Variants in FNDC3B observed in about 807,000 individuals in gnomAD.
The protein encoded by FNDC3B is fibronectin type III domain-containing protein 3B.
A neutral mutation model predicts 151.5 loss-of-function variants in FNDC3B; 12 were observed. The ratio of observed to expected loss-of-function variants is 0.08; its 90% CI spans 0.05 to 0.13. The LOEUF (loss-of-function observed/expected upper bound fraction) is 0.13. FNDC3B is among the 10% of genes least tolerant of loss of function. The pLI is 1.00. For synonymous variants in FNDC3B, 528 were observed against 549.0 expected (o/e 0.96, Z 0.54); for missense variants, 1,214 against 1,505.3 (o/e 0.81, Z 3.20).
intron 1 of FNDC3B, among the ~76,000 whole-genome samples, chr3:172,061,464 C>T (rs571696809): frequency 6.6e-6 from 1 of 152,178 alleles, no homozygotes; most frequent in African/African-American, 2.4e-5. Context: ...GATCTCCTGA[C>T]CTCGTGATCC....
intron 14 of FNDC3B, 105 bp downstream of exon 14, chr3:172,333,280 C>A: frequency 1.4e-6 from 1 of 740,474 alleles, no homozygotes. Flanking sequence ...ATGAAGTTCA[C>A]AGCACTTTAC....
chr3:172,050,830 A>G, intron 1 of FNDC3B, among the ~76,000 whole-genome samples: 2 of 151,782 alleles, frequency 1.3e-5, no homozygotes, highest in East Asian at 3.9e-4. Context: ...CCACTCAATG[A>G]GCTTTTCATA....
In FNDC3B at chr3:172,343,988, C is replaced by T. The variant is rs534102802; in HGVS notation, c.2078-98C>T. On this transcript the variant is annotated intron_variant, in intron 18 of 25. Coordinates refer to ENST00000415807, the MANE Select transcript of FNDC3B (RefSeq NM_022763.4). The stretch of plus-strand genomic sequence containing the variant: ...GTAAGGGAGATACTGAGGCCGGCCA[C>T]CTATGTGATATTTTGCTCAACTTGT... The T allele has an allele frequency of 3.7e-4, 395 of 1,073,542 alleles. 5 individuals carry two copies. The South Asian group carries it at 5.8e-3, about 16-fold the overall frequency. 66.5% of individuals were successfully genotyped at this position (1,073,542 alleles called of 1,614,324 possible).
chr3:172,216,557 A>G (rs1725984831), intron 3 of FNDC3B, among the ~76,000 whole-genome samples: 2 of 152,032 alleles, frequency 1.3e-5, no homozygotes, highest in South Asian at 4.2e-4. Flanking sequence ...AGTCCCAGCT[A>G]CTCAGCTACT....
intron 4 of FNDC3B, among the ~76,000 whole-genome samples, chr3:172,238,647 G>A (rs766573534): frequency 2.0e-5 from 3 of 152,106 alleles, no homozygotes; most frequent in Non-Finnish European, 2.9e-5. Flanking sequence ...CAGACCTTAC[G>A]TTTCAAATCT....
At chr3:172,049,265 T>G (rs1374221109) in intron 1 of FNDC3B, among the ~76,000 whole-genome samples, 1 of 152,188 alleles carries the variant, frequency 6.6e-6, no homozygotes, top group Non-Finnish European at 1.5e-5. Flanking sequence ...AATGGAGATT[T>G]CCCTAGGCCA....
At chr3:172,286,031 T>G (rs766318044) in intron 7 of FNDC3B, 47 bp downstream of exon 7, 1 of 1,460,946 alleles carries the variant, frequency 6.8e-7, no homozygotes, top group Non-Finnish European at 9.4e-7. Flanking sequence ...TTTAAAGTAT[T>G]TCAAATGTGC....
At chr3:172,100,633 C>T (rs576150490) in intron 1 of FNDC3B, among the ~76,000 whole-genome samples, 97 of 152,064 alleles carry the variant, frequency 6.4e-4, no homozygotes, top group African/African-American at 2.3e-3. Flanking sequence ...GTCTTTGCAC[C>T]TGCTAATTTG....
At position 172,229,601 on chromosome 3, in the gene FNDC3B, T is replaced by C. The variant is rs530684541; in HGVS notation, c.264+2654T>C. On this transcript the variant is annotated intron_variant, in intron 4 of 25. Transcript: ENST00000415807. ...GATTCTTTCCCTCCCTGTCATAGAA[T>C]AAAATGTGTATTTATAGTCATCACC... Among the ~76,000 whole-genome samples the C allele has an allele frequency of 6.6e-5, 10 of 152,304 alleles. No individual in the cohort carries two copies. In the East Asian group the frequency reaches 1.9e-3, roughly 29 times the overall value.
At chr3:172,139,171 C>T (rs1272758323) in intron 3 of FNDC3B, among the ~76,000 whole-genome samples, 3 of 151,736 alleles carry the variant, frequency 2.0e-5, no homozygotes, top group African/African-American at 4.8e-5. Flanking sequence ...GGGACCTTAA[C>T]GTTGCTTTTT....
At chr3:172,289,956 A>G (rs1234206208) in intron 7 of FNDC3B, among the ~76,000 whole-genome samples, 2 of 152,224 alleles carry the variant, frequency 1.3e-5, no homozygotes, top group African/African-American at 2.4e-5. Flanking sequence ...GAAGTAAATT[A>G]TATACTTGGA....
intron 6 of FNDC3B, among the ~76,000 whole-genome samples, chr3:172,259,858 A>G (rs1226532562): frequency 6.6e-6 from 1 of 152,226 alleles, no homozygotes; most frequent in South Asian, 2.1e-4. Flanking sequence ...TGTCATGTCA[A>G]GTTAAGAAGT....
chr3:172,146,637 G>C (rs998297681), intron 3 of FNDC3B, among the ~76,000 whole-genome samples: 2 of 152,204 alleles, frequency 1.3e-5, no homozygotes, highest in African/African-American at 4.8e-5. Context: ...GTACATTTCA[G>C]TGTACAGGCT....
intron 1 of FNDC3B, among the ~76,000 whole-genome samples, chr3:172,048,852 C>T (rs935429524): frequency 4.6e-5 from 7 of 152,056 alleles, no homozygotes; most frequent in African/African-American, 7.2e-5. Context: ...TGAAATAAGC[C>T]GGACACAAGA....
chr3:172,269,332 C>A (rs1401496670), intron 6 of FNDC3B, among the ~76,000 whole-genome samples: 2 of 152,104 alleles, frequency 1.3e-5, no homozygotes, highest in Non-Finnish European at 2.9e-5. Flanking sequence ...GATCATAGCT[C>A]ACTGCAGCCT....
intron 25 of FNDC3B, among the ~76,000 whole-genome samples, chr3:172,395,382 A>T (rs1027077284): frequency 3.3e-5 from 5 of 152,160 alleles, no homozygotes; most frequent in South Asian, 4.1e-4. Flanking sequence ...ATTCCCCTTC[A>T]AAGACTCTTG....
chr3:172,387,741 A>G (rs1380384283), intron 25 of FNDC3B, among the ~76,000 whole-genome samples: 1 of 152,208 alleles, frequency 6.6e-6, no homozygotes, highest in African/African-American at 2.4e-5. Flanking sequence ...CTCCTGGTTT[A>G]TTGAGAAACT....
At chr3:172,353,613 C>T (rs1036301867) in intron 22 of FNDC3B, among the ~76,000 whole-genome samples, 1 of 152,068 alleles carries the variant, frequency 6.6e-6, no homozygotes, top group African/African-American at 2.4e-5. Flanking sequence ...AATTAAATGC[C>T]AGGTAACCGT....
rs75795814 is a variant in FNDC3B, at chr3:172,300,672, T to G, written c.1061+1885T>G. 8.1e-4 allele frequency among the ~76,000 whole-genome samples: 124 copies of G among 152,308 alleles called. 1 individual carries two copies. The Middle Eastern group carries it at 0.014, about 17-fold the overall frequency. ...TTCTCCTGACACATTTGGGACTCCT[T>G]GCATTTGGTATTTGACACACATGTG... On this transcript the variant is annotated intron_variant, in intron 9 of 25. Transcript: ENST00000415807.
Sources: gnomAD v4.1 joint callset for allele counts (sites outside exome capture counted in the v4.1 genomes callset) on GRCh38, gnomAD v4.1.1 for gene constraint, MANE v1.5 for transcripts, NCBI Gene and HGNC (gene_info 2026-07-23, HGNC 2026-07-21) for gene names.